Variants in GAS7 observed in about 807,000 individuals in gnomAD.
The protein encoded by GAS7 is growth arrest-specific protein 7.
A neutral mutation model predicts 71.1 loss-of-function variants in GAS7; 28 were observed. The observed-to-expected ratio is 0.39, with a 90% CI of 0.29 to 0.54. The LOEUF is 0.54. Among genes scored for constraint, GAS7 ranks in the 20% least tolerant of loss-of-function variants. The probability of loss-of-function intolerance (pLI) is 0.62; values close to 1 mark genes in which losing one functional copy is unlikely to be tolerated. For synonymous variants in GAS7, 258 were observed against 245.8 expected (o/e 1.05, Z -0.46); for missense variants, 436 against 627.8 (o/e 0.69, Z 3.27).
intron 1 of GAS7, among the ~76,000 whole-genome samples, chr17:10,022,083 C>G (rs917862807): frequency 6.6e-6 from 1 of 152,126 alleles, no homozygotes; most frequent in African/African-American, 2.4e-5. Flanking sequence ...CATAGGAAGA[C>G]TCCGTCTGCA....
intron 1 of GAS7, among the ~76,000 whole-genome samples, chr17:10,168,637 A>C (rs1476352508): frequency 1.3e-5 from 2 of 152,168 alleles, no homozygotes; most frequent in African/African-American, 4.8e-5. Context: ...GCCCCTAGTG[A>C]GGATGTATGG....
intron 1 of GAS7, among the ~76,000 whole-genome samples, chr17:10,097,650 T>C (rs887954742): frequency 6.6e-6 from 1 of 152,152 alleles, no homozygotes; most frequent in South Asian, 2.1e-4. Flanking sequence ...ATGTGGGCTC[T>C]GTGCTTCTAT....
chr17:10,140,040 TCTC>T (rs1408872112), intron 1 of GAS7, among the ~76,000 whole-genome samples: 1 of 152,180 alleles, frequency 6.6e-6, no homozygotes, highest in Non-Finnish European at 1.5e-5. Context: ...CTCATGATCT[TCTC>T]TTCTTAACTT....
chr17:10,183,627 C>T (rs905201911), intron 1 of GAS7, among the ~76,000 whole-genome samples: 6 of 152,206 alleles, frequency 3.9e-5, no homozygotes, highest in African/African-American at 1.4e-4. Flanking sequence ...ATCACGAGGT[C>T]AGGAGATCGA....
intron 1 of GAS7, among the ~76,000 whole-genome samples, chr17:10,131,561 G>T (rs1048930704): frequency 1.4e-4 from 22 of 152,350 alleles, no homozygotes; most frequent in African/African-American, 5.1e-4. Flanking sequence ...GGCGGAGGTT[G>T]CAGTGAGCCA....
At chr17:10,162,140 G>A (rs1413566114) in intron 1 of GAS7, among the ~76,000 whole-genome samples, 1 of 151,714 alleles carries the variant, frequency 6.6e-6, no homozygotes, top group Admixed American at 6.6e-5. Flanking sequence ...CAGTCTGAAG[G>A]TGCTAATATC....
intron 2 of GAS7, among the ~76,000 whole-genome samples, chr17:9,995,422 T>C (rs1259644032): frequency 6.6e-6 from 1 of 151,920 alleles, no homozygotes; most frequent in Non-Finnish European, 1.5e-5. Context: ...GGGAGACAGA[T>C]AAAGCCTCTA....
chr17:10,024,882 C>A (rs1165196790), intron 1 of GAS7, among the ~76,000 whole-genome samples: 1 of 152,198 alleles, frequency 6.6e-6, no homozygotes, highest in Non-Finnish European at 1.5e-5. Flanking sequence ...CGAGAAATAT[C>A]TGAGCCCAGG....
At chr17:10,186,257 A>G (rs2074452491) in intron 1 of GAS7, among the ~76,000 whole-genome samples, 1 of 151,560 alleles carries the variant, frequency 6.6e-6, no homozygotes, top group Non-Finnish European at 1.5e-5. Context: ...GCGCGTGGCC[A>G]GAGTCTGCAT....
intron 1 of GAS7, among the ~76,000 whole-genome samples, chr17:10,048,045 G>T (rs146508954): frequency 0.1 from 15,592 of 152,172 alleles, 1,886 homozygotes; most frequent in African/African-American, 0.29. Flanking sequence ...CTCATGCCTG[G>T]AATCCCAGCA....
At chr17:10,146,850 G>A (rs1041248081) in intron 1 of GAS7, among the ~76,000 whole-genome samples, 1 of 152,110 alleles carries the variant, frequency 6.6e-6, no homozygotes, top group African/African-American at 2.4e-5. Context: ...CGGGCGTGGT[G>A]GCGGGTGCCT....
intron 1 of GAS7, among the ~76,000 whole-genome samples, chr17:10,121,141 G>T (rs2073901454): frequency 6.6e-6 from 1 of 152,222 alleles, no homozygotes; most frequent in Admixed American, 6.5e-5. Flanking sequence ...AGCACTTTGC[G>T]AGGCCGAGGA....
rs187546392 is a variant in GAS7 at position 9,981,794 on chromosome 17, C to A, written c.385+10G>T. The A allele has an allele frequency of 4.0e-6, 6 of 1,510,300 alleles. No individual in the cohort carries two copies. In the East Asian group the frequency reaches 9.0e-5, roughly 23 times the overall value. The allele number at this position is 1,510,300 out of a possible 1,614,324, so 93.6% of individuals were successfully genotyped here. A position where few individuals can be genotyped will look rare whatever the true frequency, so the allele number is the denominator to read the frequency against. ...CTCCCAGTTGCCCCAAAGCAGACAG[C>A]GGACATTACCTGTTGGAGGCAGAGA... On this transcript the variant is annotated intron_variant, in intron 3 of 13. Transcript: ENST00000432992. The surrounding 1 kb of genome is among the most constrained non-coding windows in gnomAD (Gnocchi z 4.4).
At chr17:10,158,350 A>C (rs867693979) in intron 1 of GAS7, among the ~76,000 whole-genome samples, 3 of 110,820 alleles carry the variant, frequency 2.7e-5, no homozygotes, top group Non-Finnish European at 3.9e-5. Context: ...AAAAAAAAAA[A>C]AAAAAAAAAA....
rs1022728427 is a variant in GAS7 at position 10,103,937 on chromosome 17, G to A, written c.184-84040C>T. On this transcript the variant is annotated intron_variant, in intron 1 of 13. Transcript: ENST00000432992. This position sits in a 1 kb window ranked among gnomAD's most constrained non-coding sequence, Gnocchi z 5.5. The stretch of plus-strand genomic sequence containing the variant: ...CCTACCCACATCAGAGCCCACGCTC[G>A]CAGCCTTCCCTCCCACAACAGTAAC... Among the ~76,000 whole-genome samples, 25 of 151,646 alleles carry A rather than the reference G, an allele frequency of 1.6e-4. 1 individual carries two copies. The highest frequency in any genetic ancestry group is 3.9e-4 in the African/African-American group (16 of 41,300).
intron 1 of GAS7, among the ~76,000 whole-genome samples, chr17:10,181,379 T>C (rs1434524644): frequency 6.9e-6 from 1 of 144,166 alleles, no homozygotes; most frequent in African/African-American, 2.6e-5. Flanking sequence ...AAGAATAGAA[T>C]AGAATGGGGA....
At chr17:10,152,217 C>T (rs1234453485) in intron 1 of GAS7, among the ~76,000 whole-genome samples, 2 of 152,104 alleles carry the variant, frequency 1.3e-5, no homozygotes, top group East Asian at 1.9e-4. Flanking sequence ...AGTCACATGG[C>T]GGGGTGAGAA....
Position 10,026,149 on chromosome 17 carries a change from C to G in GAS7, c.184-6252G>C. ...GGTTTCTGAGAACACCTGACTCTTA[C>G]CTTATCCTAAAGCCGTGAGCAAACG... On this transcript the variant is annotated intron_variant, in intron 1 of 13. Coordinates refer to ENST00000432992, the MANE Select transcript of GAS7 (RefSeq NM_201433.2). This position sits in a 1 kb window ranked among gnomAD's most constrained non-coding sequence, Gnocchi z 4.5. The G allele has an allele frequency of 1.0e-6, 1 of 985,110 alleles. No individual in the cohort carries two copies. The highest frequency in any genetic ancestry group is 1.2e-6 in the Non-Finnish European group (1 of 829,806). The allele number at this position is 985,110 out of a possible 1,614,324, so 61.0% of individuals were successfully genotyped here. A position where few individuals can be genotyped will look rare whatever the true frequency, so the allele number is the denominator to read the frequency against.
Position 10,194,899 on chromosome 17 carries a change from G to T in GAS7, c.183+3309C>A, listed in dbSNP as rs1464769625. ...AAAAAAAAAAGACTTCTTAATTCCT[G>T]TCCCTCGTCATAGCAGAAGAAACCC... On this transcript the variant is annotated intron_variant, in intron 1 of 13. Transcript: ENST00000432992. 2.0e-5 allele frequency among the ~76,000 whole-genome samples: 3 copies of T among 147,240 alleles called. No homozygotes were observed. In the Admixed American group the frequency reaches 2.0e-4, roughly 10 times the overall value.
Sources: allele counts gnomAD v4.1 joint callset (sites outside exome capture counted in the v4.1 genomes callset), GRCh38; gene constraint gnomAD v4.1.1; non-coding constraint Gnocchi (gnomAD v3.1); transcripts MANE v1.5; gene names NCBI Gene and HGNC (gene_info 2026-07-23, HGNC 2026-07-21).